The following FLRT1 variants were observed in gnomAD, a reference collection of about 807,000 sequenced individuals.
FLRT1 encodes the protein leucine-rich repeat transmembrane protein FLRT1.
Under a neutral mutation model 30.9 loss-of-function variants are expected in FLRT1, and 14 were observed. The observed-to-expected ratio is 0.45, with a 90% CI of 0.30 to 0.71. The LOEUF is 0.71. FLRT1 is among the 30% of genes least tolerant of loss of function. The pLI, the probability that FLRT1 is intolerant of heterozygous loss-of-function variation, is 0.08. For missense variants in FLRT1, 737 were observed against 949.2 expected (o/e 0.78, Z 2.94); for synonymous variants, 368 against 430.4 (o/e 0.85, Z 1.80).
In FLRT1 at chr11:64,116,979, C is replaced by T. The variant is rs1306132279; in HGVS notation, c.712C>T (p.Arg238Cys). 14 of 1,612,026 alleles carry T rather than the reference C, an allele frequency of 8.7e-6. No homozygotes were observed. The highest frequency in any genetic ancestry group is 1.1e-5 in the Non-Finnish European group (13 of 1,179,972). Residue 238 changes from arginine to cysteine, a missense_variant, in exon 3 of 3, where the codon CGC (arginine) becomes TGC (cysteine). Transcript: ENST00000682287. ...VLDGNLLANQ[R>C]IADDTFSRLQ... The stretch of plus-strand genomic sequence containing the variant: ...GGACGGTAACCTGCTGGCCAACCAG[C>T]GCATCGCCGACGACACCTTCAGCCG...
intron 1 of FLRT1, among the ~76,000 whole-genome samples, chr11:64,037,335 GC>G (rs1359143461): frequency 1.3e-5 from 2 of 152,044 alleles, no homozygotes; most frequent in Non-Finnish European, 2.9e-5. Context: ...CCCGGCGGCC[GC>G]GGGGGAGGCA....
rs1247872222 is a variant in FLRT1, at chr11:64,051,757, CCT to C, written c.-1038+15602_-1038+15603del. Among the ~76,000 whole-genome samples, 5 of 152,312 alleles carry C rather than the reference CCT, an allele frequency of 3.3e-5. No individual in the cohort carries two copies. The East Asian group carries it at 7.8e-4, about 24-fold the overall frequency. On this transcript the variant is annotated intron_variant, in intron 1 of 2. Coordinates refer to ENST00000682287, the MANE Select transcript of FLRT1 (RefSeq NM_013280.5). Reference sequence around the variant, plus strand: ...GGCCAGATAGCCCTGCGGCCCAGTCCCTCTCAGGACAACTTCTGAGGGTGCCC... The same window carrying C: ...GGCCAGATAGCCCTGCGGCCCAGTCCCTCAGGACAACTTCTGAGGGTGCCC...
intron 1 of FLRT1, among the ~76,000 whole-genome samples, chr11:64,062,434 G>A (rs773933989): frequency 6.6e-6 from 1 of 152,172 alleles, no homozygotes; most frequent in Admixed American, 6.5e-5. Flanking sequence ...GAACCAACTG[G>A]GCATAGGCGG....
At chr11:64,095,994 T>G (rs1944570511) in intron 1 of FLRT1, among the ~76,000 whole-genome samples, 1 of 152,108 alleles carries the variant, frequency 6.6e-6, no homozygotes, top group African/African-American at 2.4e-5. Flanking sequence ...CAGGGGCCCA[T>G]GAGCCTGCAG....
At chr11:64,057,330 C>T (rs1943805852) in intron 1 of FLRT1, among the ~76,000 whole-genome samples, 1 of 152,234 alleles carries the variant, frequency 6.6e-6, no homozygotes, top group African/African-American at 2.4e-5. Context: ...CCCTCATCCA[C>T]CCTGTATGTG....
chr11:64,060,969 G>A (rs1189977069), intron 1 of FLRT1, among the ~76,000 whole-genome samples: 1 of 151,860 alleles, frequency 6.6e-6, no homozygotes, highest in Non-Finnish European at 1.5e-5. Flanking sequence ...CTCCCGGGCC[G>A]CCAGGCGACC....
Position 64,116,858 on chromosome 11 carries a change from G to A in FLRT1, c.591G>A (p.Pro197=), listed in dbSNP as rs764170431. ...TGAGCAGCATCCCCTCGGGGCTGCCGCACACGCTGGAGGAGCTGCGGCTGG... is the reference window on the plus strand; with the variant it reads ...TGAGCAGCATCCCCTCGGGGCTGCCACACACGCTGGAGGAGCTGCGGCTGG... ...NHLSSIPSGL[P]HTLEELRLDD... Residue 197 remains proline (P), a synonymous_variant, in exon 3 of 3, where the codon CCG becomes CCA. Transcript: ENST00000682287. 103 of 1,612,088 alleles carry A rather than the reference G, an allele frequency of 6.4e-5. No individual in the cohort carries two copies. The highest frequency in any genetic ancestry group is 8.1e-5 in the Non-Finnish European group (96 of 1,179,948).
chr11:64,093,271 G>A (rs1304957925), intron 1 of FLRT1, among the ~76,000 whole-genome samples: 1 of 152,234 alleles, frequency 6.6e-6, no homozygotes, highest in African/African-American at 2.4e-5. Context: ...TCAGCTCTGT[G>A]TGCCTGGGCC....
At chr11:64,077,735 C>T (rs1944229201) in intron 1 of FLRT1, among the ~76,000 whole-genome samples, 1 of 152,240 alleles carries the variant, frequency 6.6e-6, no homozygotes, top group Non-Finnish European at 1.5e-5. Flanking sequence ...GTCACTACCC[C>T]TCACTGCATT....
chr11:64,061,286 C>T (rs1270054579), intron 1 of FLRT1, among the ~76,000 whole-genome samples: 1 of 152,208 alleles, frequency 6.6e-6, no homozygotes, highest in Non-Finnish European at 1.5e-5. Context: ...ATGGATGCTC[C>T]GCGCGCCGAC....
intron 1 of FLRT1, among the ~76,000 whole-genome samples, chr11:64,088,891 G>C (rs1176745320): frequency 1.3e-5 from 2 of 152,128 alleles, no homozygotes; most frequent in African/African-American, 4.8e-5. Context: ...TATTGAAGGT[G>C]CGGTTCACAA....
chr11:64,116,957 C>T lies in FLRT1; in HGVS notation c.690C>T (p.Asp230=), dbSNP rs377387995. 9.3e-6 allele frequency: 15 copies of T among 1,611,692 alleles called. No homozygotes were observed. The African/African-American group carries it at 1.1e-4, about 11-fold the overall frequency. The change falls in exon 3 of 3, where the codon GAC becomes GAT. Residue 230 remains aspartate (D), a synonymous_variant. Transcript: ENST00000682287. Reference sequence around the variant, plus strand: ...ACAGCCTGCGGCGCCTGGTGCTGGACGGTAACCTGCTGGCCAACCAGCGCA... The same window carrying T: ...ACAGCCTGCGGCGCCTGGTGCTGGATGGTAACCTGCTGGCCAACCAGCGCA... ...GLNSLRRLVL[D]GNLLANQRIA... is the part of the protein sequence containing the mutation.
At chr11:64,111,285 G>A (rs992086904) in intron 2 of FLRT1, among the ~76,000 whole-genome samples, 17 of 152,238 alleles carry the variant, frequency 1.1e-4, no homozygotes, top group Admixed American at 4.6e-4. Context: ...CCAGAACTCA[G>A]CAGCCAACAG....
chr11:64,073,697 C>T (rs991511766), intron 1 of FLRT1, among the ~76,000 whole-genome samples: 12 of 152,278 alleles, frequency 7.9e-5, no homozygotes, highest in African/African-American at 2.2e-4. Flanking sequence ...CGAGAGTGTG[C>T]GTGCGCGTGG....
intron 1 of FLRT1, among the ~76,000 whole-genome samples, chr11:64,099,614 A>C (rs1944636350): frequency 6.6e-6 from 1 of 151,866 alleles, no homozygotes; most frequent in Admixed American, 6.6e-5. Context: ...ATGAATACAG[A>C]GATGGAAGGA....
chr11:64,057,955 A>G (rs1012870802), intron 1 of FLRT1, among the ~76,000 whole-genome samples: 2 of 152,204 alleles, frequency 1.3e-5, no homozygotes, highest in African/African-American at 4.8e-5. Context: ...TGGGCTCCCA[A>G]GACAACGCTG....
chr11:64,043,828 T>TA (rs1555012543), intron 1 of FLRT1, among the ~76,000 whole-genome samples: 4 of 151,498 alleles, frequency 2.6e-5, no homozygotes, highest in African/African-American at 7.3e-5. Flanking sequence ...TTTTTTTTTT[T>TA]ATGACGGAGT....
chr11:64,109,274 A>G (rs908447593), intron 2 of FLRT1, among the ~76,000 whole-genome samples: 15 of 152,204 alleles, frequency 9.9e-5, no homozygotes, highest in Admixed American at 8.5e-4. Context: ...GCTGAGCAGC[A>G]GACAGTGGGC....
Position 64,116,251 on chromosome 11 carries a change from GC to G in FLRT1, c.-12del, listed in dbSNP as rs1565240537. ...GGCTCCAGGCCAGGTGGGGCCGGAC[GC>G]CCCCAGCCATCCACCATGGTGGTGG... On this transcript the variant is annotated 5_prime_UTR_variant, in exon 3 of 3. Coordinates refer to ENST00000682287, the MANE Select transcript of FLRT1 (RefSeq NM_013280.5). 1.9e-6 allele frequency: 3 copies of G among 1,585,514 alleles called. No individual in the cohort carries two copies. The highest frequency in any genetic ancestry group is 2.3e-5 in the South Asian group (2 of 88,866).
Sources: gnomAD v4.1 joint callset for allele counts (sites outside exome capture counted in the v4.1 genomes callset) on GRCh38, gnomAD v4.1.1 for gene constraint, MANE v1.5 for transcripts, NCBI Gene and HGNC (gene_info 2026-07-23, HGNC 2026-07-21) for gene names.